CTNND2: variants seen among roughly 807,000 people sequenced by gnomAD.
CTNND2 encodes the protein catenin delta-2.
Under a neutral mutation model 144.4 loss-of-function variants are expected in CTNND2, and 22 were observed. The ratio of observed to expected loss-of-function variants is 0.15; its 90% CI spans 0.11 to 0.22. The LOEUF (loss-of-function observed/expected upper bound fraction) is 0.22. Ranked by LOEUF, CTNND2 falls within the 10% of genes least tolerant of loss-of-function variation. The pLI is 1.00. For synonymous variants in CTNND2, 751 were observed against 695.6 expected, an observed-to-expected ratio of 1.08 and a Z score of -1.25; for missense variants, 1,353 against 1,618.8, an observed-to-expected ratio of 0.84 and a Z score of 2.82.
intron 12 of CTNND2, among the ~76,000 whole-genome samples, chr5:11,133,984 T>C (rs1000570965): frequency 2.0e-5 from 3 of 152,172 alleles, no homozygotes; most frequent in Non-Finnish European, 4.4e-5. Context: ...GGAAGGGGCT[T>C]TGCAGGTGGA....
At chr5:11,077,639 G>T (rs190178230) in intron 16 of CTNND2, among the ~76,000 whole-genome samples, 1 of 152,132 alleles carries the variant, frequency 6.6e-6, no homozygotes, top group African/African-American at 2.4e-5. Flanking sequence ...AAGGAGTGAC[G>T]TGCTCTGACT....
At chr5:11,581,608 C>T (rs1778441387) in intron 2 of CTNND2, among the ~76,000 whole-genome samples, 1 of 152,230 alleles carries the variant, frequency 6.6e-6, no homozygotes, top group Non-Finnish European at 1.5e-5. Flanking sequence ...GGCTCCCTAT[C>T]TGCAGAATCT....
At chr5:11,469,523 A>C (rs1766970578) in intron 3 of CTNND2, among the ~76,000 whole-genome samples, 1 of 152,176 alleles carries the variant, frequency 6.6e-6, no homozygotes, top group Admixed American at 6.5e-5. Context: ...CAGAGAAGTC[A>C]GTCCGTCAGC....
intron 3 of CTNND2, among the ~76,000 whole-genome samples, chr5:11,539,649 C>T (rs1774547451): frequency 6.6e-6 from 1 of 152,218 alleles, no homozygotes. Context: ...GTGGAATTTG[C>T]AGCCTTTCTG....
At position 11,305,805 on chromosome 5, in the gene CTNND2, C is replaced by T. The variant is rs182677140; in HGVS notation, c.1628+40567G>A. Reference sequence around the variant, plus strand: ...CTGAGGATTCAGAACGTGTTCTTCTCGAGCGCATCTGAGAGATGAGTAGGG... The same window carrying T: ...CTGAGGATTCAGAACGTGTTCTTCTTGAGCGCATCTGAGAGATGAGTAGGG... On this transcript the variant is annotated intron_variant, in intron 9 of 21. Transcript: ENST00000304623. Among the ~76,000 whole-genome samples, 13 of 152,312 alleles carry T rather than the reference C, an allele frequency of 8.5e-5. No individual in the cohort carries two copies. In the East Asian group the frequency reaches 1.4e-3, roughly 16 times the overall value.
rs542169263 is a variant in CTNND2 at position 11,204,103 on chromosome 5, G to A, written c.1762-4442C>T. Among the ~76,000 whole-genome samples the A allele has an allele frequency of 1.8e-3, 276 of 152,302 alleles. 1 individual carries two copies. The highest frequency in any genetic ancestry group is 2.5e-3 in the African/African-American group (104 of 41,568). The stretch of plus-strand genomic sequence containing the variant: ...TGTGCACTTCAGGAATCTAGATGTC[G>A]AGAGTAATCTACAAGGAGTAAGGGA... On this transcript the variant is annotated intron_variant, in intron 10 of 21. Coordinates refer to ENST00000304623, the MANE Select transcript of CTNND2 (RefSeq NM_001332.4).
intron 9 of CTNND2, among the ~76,000 whole-genome samples, chr5:11,240,446 TAC>T (rs773162024): frequency 6.8e-5 from 4 of 58,592 alleles, no homozygotes; most frequent in East Asian, 6.4e-4. Flanking sequence ...ACACCCAACA[TAC>T]ACACACCCCC....
At chr5:11,077,624 G>A (rs1469002250) in intron 16 of CTNND2, among the ~76,000 whole-genome samples, 1 of 152,154 alleles carries the variant, frequency 6.6e-6, no homozygotes, top group Admixed American at 6.5e-5. Flanking sequence ...GGAGGGTTTG[G>A]TGTGAAGGAG....
intron 3 of CTNND2, among the ~76,000 whole-genome samples, chr5:11,426,473 C>T (rs996458018): frequency 2.6e-5 from 4 of 152,148 alleles, no homozygotes; most frequent in African/African-American, 9.7e-5. Flanking sequence ...TTATGTTTTG[C>T]GAGTGAAATC....
At chr5:11,631,121 C>T (rs1302624263) in intron 2 of CTNND2, among the ~76,000 whole-genome samples, 1 of 152,094 alleles carries the variant, frequency 6.6e-6, no homozygotes, top group African/African-American at 2.4e-5. Flanking sequence ...AAAAGAAAGT[C>T]CATTCAATAA....
At chr5:11,349,497 T>G (rs921967306) in intron 8 of CTNND2, among the ~76,000 whole-genome samples, 1 of 152,068 alleles carries the variant, frequency 6.6e-6, no homozygotes, top group South Asian at 2.1e-4. Context: ...GTCCTCGGAG[T>G]TGGTTTCTAG....
intron 16 of CTNND2, among the ~76,000 whole-genome samples, chr5:11,023,651 T>C (rs993471125): frequency 6.6e-6 from 1 of 152,220 alleles, no homozygotes; most frequent in African/African-American, 2.4e-5. Flanking sequence ...TGATGGGATT[T>C]TATTGTGTAG....
rs1482808636 is a variant in CTNND2, at chr5:11,842,636, G to A, written c.37+61181C>T. 3.3e-5 allele frequency among the ~76,000 whole-genome samples: 5 copies of A among 151,568 alleles called. No individual in the cohort carries two copies. In the East Asian group the frequency reaches 5.9e-4, roughly 18 times the overall value. On this transcript the variant is annotated intron_variant, in intron 1 of 21. Coordinates refer to ENST00000304623, the MANE Select transcript of CTNND2 (RefSeq NM_001332.4). ...CAGGAGGCTGAGGCAGGAGAACCGC[G>A]TGAACCTGGGAGGCAGAGCTTGCAG... is the stretch of plus-strand genomic sequence containing the variant.
chr5:11,857,894 C>T (rs1308601668), intron 1 of CTNND2, among the ~76,000 whole-genome samples: 1 of 152,176 alleles, frequency 6.6e-6, no homozygotes, highest in Non-Finnish European at 1.5e-5. Context: ...AAGAGGCTGA[C>T]AAGGTCTGCC....
At chr5:11,310,361 A>C (rs925669451) in intron 9 of CTNND2, among the ~76,000 whole-genome samples, 2 of 151,886 alleles carry the variant, frequency 1.3e-5, no homozygotes, top group African/African-American at 4.8e-5. Context: ...GACACAATTA[A>C]AGTGAGCCCT....
chr5:11,505,503 A>ACAAT (rs1770948572), intron 3 of CTNND2, among the ~76,000 whole-genome samples: 2 of 152,216 alleles, frequency 1.3e-5, no homozygotes, highest in Admixed American at 6.5e-5. Context: ...CAGCTGATTG[A>ACAAT]CAATCTACCC....
chr5:11,323,016 G>A (rs1001305102), intron 9 of CTNND2, among the ~76,000 whole-genome samples: 1 of 152,086 alleles, frequency 6.6e-6, no homozygotes, highest in African/African-American at 2.4e-5. Context: ...AATATGTGAG[G>A]CACAAGTTTA....
At chr5:11,321,925 A>G (rs2012187) in intron 9 of CTNND2, among the ~76,000 whole-genome samples, 55,898 of 151,868 alleles carry the variant, frequency 0.37, 11,799 homozygotes, top group South Asian at 0.54. Context: ...TCCAAGCACA[A>G]TGAATACATC....
intron 12 of CTNND2, among the ~76,000 whole-genome samples, chr5:11,130,610 A>G (rs921608497): frequency 3.9e-5 from 6 of 152,182 alleles, no homozygotes; most frequent in Non-Finnish European, 7.3e-5. Context: ...CTGTGTGGCT[A>G]AAACCATTAA....
Sources: gnomAD v4.1 joint callset for allele counts (sites outside exome capture counted in the v4.1 genomes callset) on GRCh38, gnomAD v4.1.1 for gene constraint, MANE v1.5 for transcripts, NCBI Gene and HGNC (gene_info 2026-07-23, HGNC 2026-07-21) for gene names.